HDAC9: variants seen among roughly 807,000 people sequenced by gnomAD.
The protein encoded by HDAC9 is histone deacetylase 9.
In HDAC9, 41 loss-of-function variants were observed where a neutral mutation model predicts 139.4. The ratio of observed to expected loss-of-function variants is 0.29; its 90% confidence interval spans 0.23 to 0.38. HDAC9 has a LOEUF of 0.38. Ranked by LOEUF, HDAC9 falls within the 10% of genes least tolerant of loss-of-function variation. HDAC9 has a pLI of 1.00. For missense variants in HDAC9, 1,147 were observed against 1,297.0 expected (o/e 0.88, Z 1.78); for synonymous variants, 517 against 476.2 (o/e 1.09, Z -1.12).
At chr7:18,340,136 A>G (rs1432766362) in intron 1 of HDAC9, among the ~76,000 whole-genome samples, 1 of 151,568 alleles carries the variant, frequency 6.6e-6, no homozygotes, top group Non-Finnish European at 1.5e-5. Context: ...CTTTACCATT[A>G]TGAAATGATA....
intron 2 of HDAC9, among the ~76,000 whole-genome samples, chr7:18,548,723 A>C (rs922275902): frequency 6.6e-6 from 1 of 152,224 alleles, no homozygotes; most frequent in Admixed American, 6.5e-5. Context: ...AAAAATATTA[A>C]AAGACTGTTC....
chr7:18,237,233 G>A (rs988501384), intron 2 of HDAC9, among the ~76,000 whole-genome samples: 1 of 152,148 alleles, frequency 6.6e-6, no homozygotes, highest in African/African-American at 2.4e-5. Context: ...AAGATTTGTA[G>A]GAAGCATGAT....
At chr7:18,838,093 G>T (rs1796355639) in intron 21 of HDAC9, among the ~76,000 whole-genome samples, 1 of 151,940 alleles carries the variant, frequency 6.6e-6, no homozygotes, top group African/African-American at 2.4e-5. Flanking sequence ...TGGCCTGTCT[G>T]CTATTCATCA....
intron 14 of HDAC9, among the ~76,000 whole-genome samples, chr7:18,759,694 A>G (rs553271972): frequency 2.0e-5 from 3 of 152,340 alleles, no homozygotes; most frequent in Admixed American, 2.0e-4. Context: ...CTCTGGTGCC[A>G]AAAAGATTGG....
intron 6 of HDAC9, among the ~76,000 whole-genome samples, chr7:18,601,684 A>T (rs762533153): frequency 6.6e-6 from 1 of 152,164 alleles, no homozygotes; most frequent in African/African-American, 2.4e-5. Flanking sequence ...TCACAAATTA[A>T]TGTTGGGTTT....
intron 2 of HDAC9, among the ~76,000 whole-genome samples, chr7:18,276,124 A>G (rs778725169): frequency 1.3e-5 from 2 of 152,244 alleles, no homozygotes; most frequent in Non-Finnish European, 2.9e-5. Flanking sequence ...GTTCAGTGGT[A>G]GATACTAAAA....
chr7:18,504,608 T>A (rs562245229), intron 2 of HDAC9, among the ~76,000 whole-genome samples: 1 of 152,324 alleles, frequency 6.6e-6, no homozygotes, highest in South Asian at 2.1e-4. Context: ...CCCAGCCTAG[T>A]TCCAATTTTA....
intron 11 of HDAC9, among the ~76,000 whole-genome samples, chr7:18,656,289 A>G (rs184939412): frequency 6.6e-6 from 1 of 152,118 alleles, no homozygotes; most frequent in Admixed American, 6.6e-5. Context: ...AGCTAGCAAT[A>G]TAAAGTCCTG....
At chr7:18,694,201 AAAAAG>A (rs1382396757) in intron 12 of HDAC9, among the ~76,000 whole-genome samples, 1 of 152,170 alleles carries the variant, frequency 6.6e-6, no homozygotes, top group Non-Finnish European at 1.5e-5. Context: ...CTGAGGCTGA[AAAAAG>A]AAAAGACCAG....
At chr7:18,836,188 C>T (rs1295042782) in intron 21 of HDAC9, among the ~76,000 whole-genome samples, 191 bp downstream of exon 21, 1 of 152,024 alleles carries the variant, frequency 6.6e-6, no homozygotes, top group East Asian at 1.9e-4. Context: ...TGGCCAATGG[C>T]CCATTTTCCC....
chr7:18,255,085 A>C (rs1039716518), intron 2 of HDAC9, among the ~76,000 whole-genome samples: 1 of 152,206 alleles, frequency 6.6e-6, no homozygotes, highest in East Asian at 1.9e-4. Context: ...CTGTTAATGC[A>C]TGCCTCTTGG....
intron 24 of HDAC9, among the ~76,000 whole-genome samples, chr7:18,969,553 G>A (rs1479643441): frequency 2.0e-5 from 3 of 151,986 alleles, no homozygotes; most frequent in African/African-American, 7.3e-5. Flanking sequence ...GGGATCACAA[G>A]GCAAATCAAT....
At chr7:18,984,105 A>T (rs1460594276) in intron 25 of HDAC9, among the ~76,000 whole-genome samples, 1 of 152,112 alleles carries the variant, frequency 6.6e-6, no homozygotes, top group Non-Finnish European at 1.5e-5. Context: ...TGAAAATTAG[A>T]TACATTTGTG....
At chr7:18,867,505 A>G (rs866776832) in intron 21 of HDAC9, among the ~76,000 whole-genome samples, 3 of 152,246 alleles carry the variant, frequency 2.0e-5, no homozygotes, top group Admixed American at 2.0e-4. Context: ...TGCAAGCAGC[A>G]TTAAAGTTTA....
chr7:18,886,689 T>A (rs569421558), intron 22 of HDAC9, among the ~76,000 whole-genome samples: 14 of 152,334 alleles, frequency 9.2e-5, no homozygotes, highest in African/African-American at 2.9e-4. Context: ...TAGCTTAGAT[T>A]TCTATTTTAT....
At chr7:18,788,673 T>G (rs1172346349) in intron 16 of HDAC9, among the ~76,000 whole-genome samples, 1 of 151,226 alleles carries the variant, frequency 6.6e-6, no homozygotes, top group Non-Finnish European at 1.5e-5. Context: ...AAGAATGGCT[T>G]GAACCCAGGA....
At chr7:18,451,186 G>T (rs1792785841) in intron 1 of HDAC9, among the ~76,000 whole-genome samples, 1 of 152,078 alleles carries the variant, frequency 6.6e-6, no homozygotes, top group Admixed American at 6.6e-5. Context: ...TCATGTGACG[G>T]CACAGAGAAA....
chr7:18,161,743 C>G (rs980441648), intron 1 of HDAC9, among the ~76,000 whole-genome samples: 1 of 152,144 alleles, frequency 6.6e-6, no homozygotes, highest in Admixed American at 6.5e-5. Flanking sequence ...TTCTGTCACT[C>G]TTATAGTTTA....
At chr7:18,732,514 T>G (rs1441657651) in intron 13 of HDAC9, among the ~76,000 whole-genome samples, 1 of 149,660 alleles carries the variant, frequency 6.7e-6, no homozygotes, top group Non-Finnish European at 1.5e-5. Context: ...TATACATATA[T>G]ACACTGTATG....
Sources: gnomAD v4.1 joint callset for allele counts (sites outside exome capture counted in the v4.1 genomes callset) on GRCh38, gnomAD v4.1.1 for gene constraint, MANE v1.5 for transcripts, NCBI Gene and HGNC (gene_info 2026-07-23, HGNC 2026-07-21) for gene names.